The following DLGAP2 variants were observed in gnomAD, a reference collection of about 807,000 sequenced individuals.
DLGAP2 encodes disks large-associated protein 2.
Under a neutral mutation model 100.3 loss-of-function variants are expected in DLGAP2, and 26 were observed. The observed-to-expected ratio is 0.26, with a 90% CI of 0.19 to 0.36. The LOEUF (loss-of-function observed/expected upper bound fraction) is 0.36, where lower values mean the gene tolerates loss of function less well. Among genes scored for constraint, DLGAP2 ranks in the 10% least tolerant of loss-of-function variants. The pLI is 1.00. For missense variants in DLGAP2, 1,858 were observed against 1,453.2 expected, an observed-to-expected ratio of 1.28 and a Z score of -4.53; for synonymous variants, 886 against 630.1, an observed-to-expected ratio of 1.41 and a Z score of -6.08.
At chr8:779,935 T>C (rs1344546837) in intron 1 of DLGAP2, among the ~76,000 whole-genome samples, 1 of 152,224 alleles carries the variant, frequency 6.6e-6, no homozygotes, top group Non-Finnish European at 1.5e-5. Flanking sequence ...GATCTATGTA[T>C]ACACTGGGGA....
At chr8:1,078,045 T>G (rs1467518947) in intron 2 of DLGAP2, among the ~76,000 whole-genome samples, 18 of 152,172 alleles carry the variant, frequency 1.2e-4, no homozygotes, top group Admixed American at 5.2e-4. Context: ...CAGAGGAACT[T>G]AAATCCCACC....
At chr8:859,701 T>C (rs1044746700) in intron 1 of DLGAP2, among the ~76,000 whole-genome samples, 9 of 151,940 alleles carry the variant, frequency 5.9e-5, no homozygotes, top group African/African-American at 1.9e-4. Flanking sequence ...GAACGAGAAG[T>C]TGTTAGAATT....
chr8:1,567,859 C>T (rs1448168457), intron 6 of DLGAP2, among the ~76,000 whole-genome samples: 1 of 152,222 alleles, frequency 6.6e-6, no homozygotes. Flanking sequence ...AGTGGGAAAC[C>T]CTCTGGGAGT....
intron 2 of DLGAP2, among the ~76,000 whole-genome samples, chr8:1,198,100 G>A (rs1207233508): frequency 6.6e-6 from 1 of 151,878 alleles, no homozygotes; most frequent in Non-Finnish European, 1.5e-5. Context: ...TTCTGTGTGT[G>A]TGTGTGTACG....
rs193184339 is a variant in DLGAP2, at chr8:1,440,797, G to C, written c.107-60569G>C. Among the ~76,000 whole-genome samples, 19 of 152,314 alleles carry C rather than the reference G, an allele frequency of 1.2e-4. No homozygotes were observed. The East Asian group carries it at 3.3e-3, about 26-fold the overall frequency. On this transcript the variant is annotated intron_variant, in intron 3 of 14. Transcript: ENST00000637795. ...TGCAGATGAGGCTGGGCACTGCCCA[G>C]CTTATGAGGACAAATGGCTCTTTTT... is the stretch of plus-strand genomic sequence containing the variant.
intron 3 of DLGAP2, among the ~76,000 whole-genome samples, chr8:1,496,312 G>A (rs919934823): frequency 1.4e-4 from 22 of 152,200 alleles, no homozygotes; most frequent in African/African-American, 5.3e-4. Flanking sequence ...TCGTGGGGGC[G>A]CCGAGAGGAG....
At chr8:1,631,766 C>T (rs1018150564) in intron 7 of DLGAP2, among the ~76,000 whole-genome samples, 4 of 152,210 alleles carry the variant, frequency 2.6e-5, no homozygotes, top group Admixed American at 2.0e-4. Context: ...GGAAAGAGGC[C>T]GTCCTTCCAG....
At chr8:1,557,163 G>C (rs1375756345) in intron 5 of DLGAP2, among the ~76,000 whole-genome samples, 1 of 152,192 alleles carries the variant, frequency 6.6e-6, no homozygotes, top group Non-Finnish European at 1.5e-5. Context: ...CATATCTCCA[G>C]ATGTCACCAA....
intron 3 of DLGAP2, among the ~76,000 whole-genome samples, chr8:1,326,577 C>T (rs1801027172): frequency 6.6e-6 from 1 of 152,042 alleles, no homozygotes; most frequent in Non-Finnish European, 1.5e-5. Flanking sequence ...TCAGTCCGGG[C>T]TTGTCACTCA....
chr8:1,565,963 C>T, intron 6 of DLGAP2, 69 bp downstream of exon 6: 4 of 1,377,486 alleles, frequency 2.9e-6, no homozygotes, highest in South Asian at 2.8e-5. Flanking sequence ...TCTCCAAAAC[C>T]ACTTCACCGT....
In DLGAP2 at chr8:1,705,804, T is replaced by A. The variant is rs1249446878; in HGVS notation, c.*4398T>A. The A allele has an allele frequency of 1.3e-5, 2 of 152,188 alleles. No homozygotes were observed. Among genetic ancestry groups the A allele is most frequent in the Non-Finnish European group, 2.9e-5 (2 of 68,036 alleles). The allele number at this position is 152,188 out of a possible 1,614,324, so 9.4% of individuals were successfully genotyped here. A position where few individuals can be genotyped will look rare whatever the true frequency, so the allele number is the denominator to read the frequency against. ...CCCTGGGAATGTTCCAGGGTTCTCT[T>A]GTTTTGATCTGCATGTCTGTTTACA... On this transcript the variant is annotated 3_prime_UTR_variant, in exon 15 of 15. Coordinates refer to ENST00000637795, the MANE Select transcript of DLGAP2 (RefSeq NM_001346810.2).
chr8:1,369,244 C>A (rs1802181220), intron 3 of DLGAP2: 1 of 152,130 alleles, frequency 6.6e-6, no homozygotes, highest in South Asian at 2.1e-4. Flanking sequence ...AACATTTATT[C>A]TCTCATAGTC....
At chr8:1,407,884 C>T (rs1432990722) in intron 3 of DLGAP2, among the ~76,000 whole-genome samples, 4 of 151,394 alleles carry the variant, frequency 2.6e-5, no homozygotes, top group Non-Finnish European at 4.4e-5. Flanking sequence ...ACCTCCTTGT[C>T]CTCTGGAGTC....
chr8:1,641,903 T>TC (rs1325647986), intron 8 of DLGAP2, among the ~76,000 whole-genome samples: 25 of 127,982 alleles, frequency 2.0e-4, no homozygotes, highest in South Asian at 1.1e-3. Context: ...TGTGTCACCC[T>TC]CGACCCCGCC....
chr8:983,093 G>A lies in DLGAP2; in HGVS notation c.73+75127G>A, dbSNP rs7013279. On this transcript the variant is annotated intron_variant, in intron 2 of 14. Coordinates refer to ENST00000637795, the MANE Select transcript of DLGAP2 (RefSeq NM_001346810.2). Reference sequence around the variant, plus strand: ...GGATCAGGGCAGGGTGAACTTACCCGATGGACCTGACGGACTAGCCGGCCT... The same window carrying A: ...GGATCAGGGCAGGGTGAACTTACCCAATGGACCTGACGGACTAGCCGGCCT... 4.8e-3 allele frequency among the ~76,000 whole-genome samples: 732 copies of A among 152,282 alleles called. 2 individuals are homozygous for A. The highest frequency in any genetic ancestry group is 0.016 in the African/African-American group (683 of 41,562).
At chr8:1,201,687 A>G (rs762484775) in intron 2 of DLGAP2, among the ~76,000 whole-genome samples, 2 of 152,218 alleles carry the variant, frequency 1.3e-5, no homozygotes, top group Admixed American at 1.3e-4. Context: ...GACGTGGTCC[A>G]GGCCGTGGGA....
chr8:1,339,086 G>T (rs1801359231), intron 3 of DLGAP2, among the ~76,000 whole-genome samples: 1 of 151,486 alleles, frequency 6.6e-6, no homozygotes, highest in South Asian at 2.1e-4. Context: ...GGCAGGGAAG[G>T]CAGTGACCTC....
chr8:1,629,179 C>T lies in DLGAP2; in HGVS notation c.1590+2292C>T, dbSNP rs73671264. Among the ~76,000 whole-genome samples the T allele has an allele frequency of 2.8e-3, 431 of 152,242 alleles. 3 individuals are homozygous for T. The highest frequency in any genetic ancestry group is 9.9e-3 in the African/African-American group (411 of 41,540). ...TTCATTTTGCAGGTTTTTTCCTCATCGGAAGGTTGTACCCAGGACTTTTTC... is the reference window on the plus strand; with the variant it reads ...TTCATTTTGCAGGTTTTTTCCTCATTGGAAGGTTGTACCCAGGACTTTTTC... On this transcript the variant is annotated intron_variant, in intron 7 of 14. Transcript: ENST00000637795.
At chr8:1,077,531 T>G (rs1424104035) in intron 2 of DLGAP2, among the ~76,000 whole-genome samples, 1 of 152,178 alleles carries the variant, frequency 6.6e-6, no homozygotes, top group Non-Finnish European at 1.5e-5. Context: ...CATTCTGGGC[T>G]CCACTGTCTA....
Sources: gnomAD v4.1 joint callset for allele counts (sites outside exome capture counted in the v4.1 genomes callset) on GRCh38, gnomAD v4.1.1 for gene constraint, MANE v1.5 for transcripts, NCBI Gene and HGNC (gene_info 2026-07-23, HGNC 2026-07-21) for gene names.